ADGRF3: variants seen among roughly 807,000 people sequenced by gnomAD.
ADGRF3 encodes G protein-coupled receptor 113.
In ADGRF3, 85 loss-of-function variants were observed where a neutral mutation model predicts 93.2. The ratio of observed to expected loss-of-function variants is 0.91; its 90% CI spans 0.77 to 1.09. The LOEUF is 1.09. Ranked by LOEUF, ADGRF3 falls within the 50% of genes least tolerant of loss-of-function variation. The pLI, the probability that ADGRF3 is intolerant of heterozygous loss-of-function variation, is 0.00. For synonymous variants in ADGRF3, 534 were observed against 532.5 expected, an observed-to-expected ratio of 1.00 and a Z score of -0.04; for missense variants, 1,125 against 1,246.2, an observed-to-expected ratio of 0.90 and a Z score of 1.46.
intron 1 of ADGRF3, among the ~76,000 whole-genome samples, chr2:26,319,565 C>CCTTCCTT (rs1674995893): frequency 2.1e-5 from 1 of 48,182 alleles, no homozygotes. Context: ...CTCCCTCCCT[C>CCTTCCTT]CCTTCCTTCC....
In ADGRF3 at chr2:26,309,600, G is replaced by A. The variant is rs1349762468; in HGVS notation, c.2938-19C>T. On this transcript the variant is annotated intron_variant, in intron 12 of 13. Transcript: ENST00000651242. ...TTGTGGCCTAGGAAGGGGTGGGAAG[G>A]CCCAATTGCAGGGCAGTTATTAGTA... is the stretch of plus-strand genomic sequence containing the variant. The A allele has an allele frequency of 6.2e-7, 1 of 1,610,942 alleles. No individual in the cohort carries two copies. The highest frequency in any genetic ancestry group is 1.7e-5 in the Admixed American group (1 of 59,620).
chr2:26,319,569 T>TCCCTCCCTCCCTCCCTCCCTCCCTC (rs1558390867), intron 1 of ADGRF3, among the ~76,000 whole-genome samples: 1 of 70,852 alleles, frequency 1.4e-5, no homozygotes, highest in Non-Finnish European at 2.5e-5. Flanking sequence ...CTCCCTCCCT[T>TCCCTCCCTCCCTCCCTCCCTCCCTC]CCTTCCTTCC....
intron 1 of ADGRF3, among the ~76,000 whole-genome samples, chr2:26,328,454 GTTT>G (rs35836521): frequency 7.6e-6 from 1 of 132,078 alleles, no homozygotes; most frequent in African/African-American, 2.7e-5. Context: ...GGCCTTTTTA[GTTT>G]TTTTTTTTTT....
chr2:26,333,560 A>G (rs909119467), intron 1 of ADGRF3, among the ~76,000 whole-genome samples: 5 of 150,854 alleles, frequency 3.3e-5, no homozygotes, highest in Admixed American at 6.6e-5. Flanking sequence ...GAAGACTCCT[A>G]AACAGGGCAG....
At chr2:26,338,890 C>A (rs1177149960) in intron 1 of ADGRF3, among the ~76,000 whole-genome samples, 2 of 151,974 alleles carry the variant, frequency 1.3e-5, no homozygotes, top group African/African-American at 4.8e-5. Flanking sequence ...GTAATCCCAG[C>A]ACTTTGGGAG....
At chr2:26,318,872 C>T (rs978293196) in intron 1 of ADGRF3, 4 of 1,545,056 alleles carry the variant, frequency 2.6e-6, no homozygotes, top group Admixed American at 2.0e-5. Flanking sequence ...TCCCCACTAC[C>T]TATCCTTTCA....
chr2:26,331,748 C>G (rs891252436), intron 1 of ADGRF3, among the ~76,000 whole-genome samples: 4 of 151,440 alleles, frequency 2.6e-5, no homozygotes, highest in Non-Finnish European at 5.9e-5. Flanking sequence ...AAACAAAAGG[C>G]AAAAACAAAA....
At position 26,311,150 on chromosome 2, in the gene ADGRF3, G is replaced by A; in HGVS notation, c.2374C>T (p.Leu792=). ...FLYLATFFWM[L]AQALVLAHQL... is the part of the protein sequence containing the mutation. ...TGGGCCAACACCAGGGCCTGCGCCA[G>A]CATCCAGAAAAAGGTGGCCAGGTAG... The change falls in exon 10 of 14, where the codon CTG becomes TTG. Residue 792 remains leucine (L), a synonymous_variant. Transcript: ENST00000651242. 1.3e-6 allele frequency: 2 copies of A among 1,595,896 alleles called. No homozygotes were observed. Among genetic ancestry groups the A allele is most frequent in the African/African-American group, 1.3e-5 (1 of 74,588 alleles).
intron 7 of ADGRF3, 93 bp from the exon 8 acceptor site, chr2:26,313,666 C>G: frequency 6.4e-7 from 1 of 1,571,108 alleles, no homozygotes; most frequent in Admixed American, 1.8e-5. Flanking sequence ...AAGCCTGGTC[C>G]TGTTGCCCAG....
In ADGRF3 at chr2:26,315,716, G is replaced by C. The variant is rs1413499893; in HGVS notation, c.524C>G (p.Ser175Cys). The C allele has an allele frequency of 5.0e-5, 77 of 1,551,358 alleles. No homozygotes were observed. In the Middle Eastern group the frequency reaches 6.8e-4, roughly 14 times the overall value. Residue 175 changes from serine (S) to cysteine (C), a missense_variant, in exon 5 of 14, where the codon TCC (serine) becomes TGC (cysteine). Transcript: ENST00000651242. ...PPVPGILNLN[S>C]QLQMPGDTLS... ...CGTGTCACCAGGCATCTGCAGCTGG[G>C]AGTTCAGGTTGAGGATCCCGGGGAC...
chr2:26,314,385 G>A (rs1347983785), intron 6 of ADGRF3, 29 bp downstream of exon 6: 1 of 1,593,902 alleles, frequency 6.3e-7, no homozygotes, highest in Non-Finnish European at 8.6e-7. Context: ...TGGTCCCTCT[G>A]ACCCCTGACT....
rs34187680 is a variant in ADGRF3 at position 26,335,642 on chromosome 2, G to GTT, written c.114+10477_114+10478dup. On this transcript the variant is annotated intron_variant, in intron 1 of 13. Transcript: ENST00000651242. Reference sequence around the variant, plus strand: ...ATTTTTCCACATCCTTGCCAACGCTGTTTTTTTTTTCCCATTTTTTTACAT... The same window carrying GTT: ...ATTTTTCCACATCCTTGCCAACGCTGTTTTTTTTTTTTCCCATTTTTTTACAT... Among the ~76,000 whole-genome samples, 350 of 150,322 alleles carry GTT rather than the reference G, an allele frequency of 2.3e-3. 1 individual carries two copies. The highest frequency in any genetic ancestry group is 6.9e-3 in the African/African-American group (281 of 40,996).
At chr2:26,310,647 A>G (rs544109704) in intron 10 of ADGRF3, 45 bp downstream of exon 10, 11 of 1,556,936 alleles carry the variant, frequency 7.1e-6, no homozygotes, top group South Asian at 2.4e-5. Flanking sequence ...AGTGACTTAG[A>G]CCATCTAAAA....
At chr2:26,328,525 A>G (rs568476778) in intron 1 of ADGRF3, among the ~76,000 whole-genome samples, 2 of 146,150 alleles carry the variant, frequency 1.4e-5, no homozygotes, top group African/African-American at 5.1e-5. Context: ...GCTATCTCCG[A>G]TCACTGCAAT....
intron 1 of ADGRF3, among the ~76,000 whole-genome samples, chr2:26,338,725 G>A (rs764551746): frequency 1.1e-4 from 16 of 152,230 alleles, no homozygotes; most frequent in Non-Finnish European, 1.9e-4. Flanking sequence ...GCCTCCCAAA[G>A]TGCTGGGATT....
chr2:26,319,563 C>T (rs1558390812), intron 1 of ADGRF3, among the ~76,000 whole-genome samples: 5 of 37,490 alleles, frequency 1.3e-4, no homozygotes, highest in East Asian at 1.0e-3. Flanking sequence ...CCCTCCCTCC[C>T]TCCCTTCCTT....
intron 1 of ADGRF3, among the ~76,000 whole-genome samples, chr2:26,329,130 A>G (rs1420627622): frequency 1.3e-5 from 2 of 152,150 alleles, no homozygotes; most frequent in African/African-American, 4.8e-5. Context: ...CTGATGCAGC[A>G]CTTTATTTAT....
At position 26,311,414 on chromosome 2, in the gene ADGRF3, G is replaced by T; in HGVS notation, c.2110C>A (p.Leu704Met). 1 of 1,614,066 alleles carries T rather than the reference G, an allele frequency of 6.2e-7. No homozygotes were observed. Among genetic ancestry groups the T allele is most frequent in the East Asian group, 2.2e-5 (1 of 44,890 alleles). ...GCTCCCAAGCCCACTTGAGTCAGCA[G>T]CGCCAGAGCGGGTTCTTCCGGAACA... ...HTVPEEPALA[L>M]LTQVGLGASI... is the part of the protein sequence containing the mutation. Residue 704 changes from leucine to methionine, a missense_variant, in exon 10 of 14, where the codon CTG becomes ATG. By Grantham distance (15) the Leu-to-Met change is conservative. Coordinates refer to ENST00000651242, the MANE Select transcript of ADGRF3 (RefSeq NM_001321971.2).
intron 5 of ADGRF3, 71 bp from the exon 6 acceptor site, chr2:26,314,694 T>C: frequency 7.2e-7 from 1 of 1,389,308 alleles, no homozygotes; most frequent in Non-Finnish European, 1.0e-6. Context: ...TCTGCTGCTT[T>C]CCAAGCCACA....
Sources: allele counts gnomAD v4.1 joint callset (sites outside exome capture counted in the v4.1 genomes callset), GRCh38; gene constraint gnomAD v4.1.1; transcripts MANE v1.5; gene names NCBI Gene and HGNC (gene_info 2026-07-23, HGNC 2026-07-21).